The following NLGN1 variants were observed in gnomAD, a reference collection of about 807,000 sequenced individuals.
The protein encoded by NLGN1 is neuroligin 1.
A neutral mutation model predicts 65.5 loss-of-function variants in NLGN1; 12 were observed. The ratio of observed to expected loss-of-function variants is 0.18; its 90% CI spans 0.12 to 0.30. The LOEUF (loss-of-function observed/expected upper bound fraction) is 0.30. Among genes scored for constraint, NLGN1 ranks in the 10% least tolerant of loss-of-function variants. NLGN1 has a pLI of 1.00. For synonymous variants in NLGN1, 350 were observed against 359.5 expected (o/e 0.97, Z 0.30); for missense variants, 750 against 1,007.1 (o/e 0.74, Z 3.46).
At chr3:173,805,968 A>T (rs895440010) in intron 3 of NLGN1, among the ~76,000 whole-genome samples, 3 of 152,144 alleles carry the variant, frequency 2.0e-5, no homozygotes, top group Admixed American at 1.3e-4. Context: ...TCAAGGAGAA[A>T]ATAAATTCAG....
intron 3 of NLGN1, among the ~76,000 whole-genome samples, chr3:173,655,320 G>A (rs982946344): frequency 1.3e-5 from 2 of 152,000 alleles, no homozygotes; most frequent in Non-Finnish European, 2.9e-5. Context: ...AGAAGTTTTC[G>A]AGCCTTTAGA....
intron 4 of NLGN1, among the ~76,000 whole-genome samples, chr3:174,067,446 G>T (rs1275325076): frequency 1.3e-5 from 2 of 152,118 alleles, no homozygotes; most frequent in African/African-American, 4.8e-5. Context: ...ATTAGAGAAG[G>T]TATTTACAGT....
At chr3:174,281,352 T>A in exon 7 of NLGN1, 1 of 1,193,170 alleles carries the variant, frequency 8.4e-7, no homozygotes, top group Non-Finnish European at 1.2e-6. Flanking sequence ...CAGTAAACGA[T>A]CACTGAAGAT....
intron 2 of NLGN1, among the ~76,000 whole-genome samples, chr3:173,442,863 T>C (rs1172206055): frequency 2.0e-5 from 3 of 152,180 alleles, no homozygotes; most frequent in African/African-American, 7.2e-5. Flanking sequence ...TAGTATGACT[T>C]GGTCTAACAA....
At chr3:173,970,105 A>G (rs577355952) in intron 4 of NLGN1, among the ~76,000 whole-genome samples, 10 of 152,254 alleles carry the variant, frequency 6.6e-5, no homozygotes, top group African/African-American at 2.2e-4. Flanking sequence ...ATATTTTAAC[A>G]TCTAAAAGAG....
At chr3:174,236,380 T>C (rs1366749575) in intron 4 of NLGN1, among the ~76,000 whole-genome samples, 2 of 152,120 alleles carry the variant, frequency 1.3e-5, no homozygotes, top group East Asian at 3.9e-4. Flanking sequence ...TTTTTCCAGA[T>C]GTTTCCCTTT....
At chr3:174,177,540 T>C (rs907598919) in intron 4 of NLGN1, among the ~76,000 whole-genome samples, 10 of 152,030 alleles carry the variant, frequency 6.6e-5, no homozygotes, top group African/African-American at 2.4e-4. Context: ...TAACTAATTA[T>C]AAGTCAGTGT....
intron 3 of NLGN1, among the ~76,000 whole-genome samples, chr3:173,726,506 T>TA (rs1267710258): frequency 3.9e-5 from 6 of 152,152 alleles, no homozygotes; most frequent in African/African-American, 1.4e-4. Flanking sequence ...TAAAGTGTTA[T>TA]AAAACATGAC....
At chr3:173,891,653 T>C (rs2152129634) in intron 4 of NLGN1, among the ~76,000 whole-genome samples, 1 of 152,274 alleles carries the variant, frequency 6.6e-6, no homozygotes, top group Non-Finnish European at 1.5e-5. Flanking sequence ...CCAACCTCCC[T>C]AGCACAACTC....
At chr3:173,810,775 GA>G (rs995287497) in intron 4 of NLGN1, among the ~76,000 whole-genome samples, 2 of 152,092 alleles carry the variant, frequency 1.3e-5, no homozygotes, top group African/African-American at 4.8e-5. Flanking sequence ...TAGAATAGAA[GA>G]AAAAAATACC....
intron 3 of NLGN1, among the ~76,000 whole-genome samples, chr3:173,671,279 T>C (rs946597525): frequency 6.6e-6 from 1 of 152,066 alleles, no homozygotes; most frequent in Non-Finnish European, 1.5e-5. Context: ...GACCATGGAT[T>C]GCGTGAGCCC....
intron 3 of NLGN1, among the ~76,000 whole-genome samples, chr3:173,734,375 A>C (rs897676174): frequency 1.4e-4 from 18 of 127,356 alleles, no homozygotes; most frequent in Middle Eastern, 4.2e-3. Context: ...TTCTGTGGAT[A>C]ATTCTATTTT....
chr3:173,443,256 T>A (rs1160374599), intron 2 of NLGN1, among the ~76,000 whole-genome samples: 1 of 149,312 alleles, frequency 6.7e-6, no homozygotes, highest in Non-Finnish European at 1.5e-5. Flanking sequence ...AAAAAAGAAG[T>A]TTTTTAAAAA....
At chr3:173,411,652 A>C (rs1712576425) in intron 1 of NLGN1, among the ~76,000 whole-genome samples, 2 of 152,240 alleles carry the variant, frequency 1.3e-5, no homozygotes, top group South Asian at 4.1e-4. Context: ...ATATGAAGTG[A>C]GGAAAAAAGG....
chr3:174,278,613 A>G (rs1204380714), intron 5 of NLGN1, among the ~76,000 whole-genome samples: 6 of 151,894 alleles, frequency 4.0e-5, no homozygotes, highest in Non-Finnish European at 5.9e-5. Flanking sequence ...CTTCTTGCCT[A>G]CTACCTCTTT....
intron 3 of NLGN1, among the ~76,000 whole-genome samples, chr3:173,739,642 A>C (rs1479856647): frequency 6.6e-6 from 1 of 152,058 alleles, no homozygotes; most frequent in African/African-American, 2.4e-5. Context: ...ATTAAATGTC[A>C]CATCATGGCA....
chr3:174,214,943 A>T (rs182195593), intron 4 of NLGN1, among the ~76,000 whole-genome samples: 99 of 152,226 alleles, frequency 6.5e-4, no homozygotes, highest in African/African-American at 2.2e-3. Context: ...TAGTTACATT[A>T]TTGCTACCCA....
At chr3:174,146,433 A>C (rs1381571714) in intron 4 of NLGN1, among the ~76,000 whole-genome samples, 1 of 152,230 alleles carries the variant, frequency 6.6e-6, no homozygotes, top group Non-Finnish European at 1.5e-5. Flanking sequence ...AGCACAATTT[A>C]TAACCACTAA....
chr3:173,522,216 T>G (rs78143874), intron 2 of NLGN1, among the ~76,000 whole-genome samples: 3,633 of 152,346 alleles, frequency 0.024, 57 homozygotes, highest in Middle Eastern at 0.048. Flanking sequence ...TTGATTCTTT[T>G]GTCTATGAGT....
Sources: allele counts gnomAD v4.1 joint callset (sites outside exome capture counted in the v4.1 genomes callset), GRCh38; gene constraint gnomAD v4.1.1; transcripts MANE v1.5; gene names NCBI Gene and HGNC (gene_info 2026-07-23, HGNC 2026-07-21).